HEATR9: variants seen among roughly 807,000 people sequenced by gnomAD.
The protein encoded by HEATR9 is HEAT repeat containing 9.
In HEATR9, 54 loss-of-function variants were observed where a neutral mutation model predicts 68.2. The observed-to-expected ratio is 0.79, with a 90% confidence interval of 0.64 to 0.99. HEATR9 has a LOEUF of 0.99. HEATR9 is among the 50% of genes least tolerant of loss of function. The pLI is 0.00. For missense variants in HEATR9, 662 were observed against 679.7 expected (o/e 0.97, Z 0.29); for synonymous variants, 241 against 253.5 (o/e 0.95, Z 0.47).
At chr17:35,860,872 C>T (rs1266267655) in intron 8 of HEATR9, among the ~76,000 whole-genome samples, 2 of 151,988 alleles carry the variant, frequency 1.3e-5, no homozygotes, top group East Asian at 2.0e-4. Context: ...GGTGAAACCT[C>T]GTCTCTATTA....
intron 8 of HEATR9, chr17:35,861,479 T>C: frequency 2.1e-6 from 3 of 1,414,928 alleles, no homozygotes; most frequent in Non-Finnish European, 3.0e-6. Context: ...TTACAAAATC[T>C]GAACACCTTG....
In HEATR9 at chr17:35,858,887, C is replaced by T; in HGVS notation, c.939+1G>A. On this transcript the variant is annotated splice_donor_variant, in intron 9 of 14. Coordinates refer to ENST00000604834, the MANE Select transcript of HEATR9 (RefSeq NM_152781.4). LOFTEE classifies it high-confidence loss of function. ...GGATCCCAGCCTCCTGCCCCTCACACCTTCATCCGCTGGGTCTTGAGTCCT... is the reference window on the plus strand; with the variant it reads ...GGATCCCAGCCTCCTGCCCCTCACATCTTCATCCGCTGGGTCTTGAGTCCT... The T allele has an allele frequency of 1.9e-6, 3 of 1,613,162 alleles. No homozygotes were observed. The highest frequency in any genetic ancestry group is 2.2e-5 in the East Asian group (1 of 44,878).
chr17:35,860,450 TTTTA>T lies in HEATR9; in HGVS notation c.757-1384_757-1381del, dbSNP rs201786560. Among the ~76,000 whole-genome samples the T allele has an allele frequency of 3.2e-3, 429 of 134,958 alleles. 2 individuals are homozygous for T. The highest frequency in any genetic ancestry group is 7.4e-3 in the South Asian group (31 of 4,188). 88.5% of individuals were successfully genotyped at this position (134,958 alleles called of 152,430 possible). On this transcript the variant is annotated intron_variant, in intron 8 of 14. Coordinates refer to ENST00000604834, the MANE Select transcript of HEATR9 (RefSeq NM_152781.4). ...TTCACACTCTCTTCAAAGTCCTTATTTTTATTTATTTATTTATTTATTTATTTAT... is the reference window on the plus strand; with the variant it reads ...TTCACACTCTCTTCAAAGTCCTTATTTTTATTTATTTATTTATTTATTTAT...
chr17:35,862,850 C>G, intron 8 of HEATR9, 145 bp downstream of exon 8: 3 of 1,178,412 alleles, frequency 2.5e-6, no homozygotes, highest in Non-Finnish European at 3.6e-6. Flanking sequence ...TGCTTCTATT[C>G]AACTCCCGAG....
intron 13 of HEATR9, 59 bp from the exon 14 acceptor site, chr17:35,855,809 C>T: frequency 1.5e-6 from 2 of 1,373,614 alleles, no homozygotes; most frequent in South Asian, 2.3e-5. Context: ...ACCTTATACT[C>T]TTTCCCATTC....
At chr17:35,856,267 T>C in intron 12 of HEATR9, 43 bp from the exon 13 acceptor site, 1 of 1,613,506 alleles carries the variant, frequency 6.2e-7, no homozygotes, top group Non-Finnish European at 8.5e-7. Flanking sequence ...AATTAAGGAG[T>C]AGGGGAAGTG....
In HEATR9 at chr17:35,864,831, A is replaced by G. The variant is rs1183459974; in HGVS notation, c.380T>C (p.Leu127Pro). 1 of 1,614,202 alleles carries G rather than the reference A, an allele frequency of 6.2e-7. No individual in the cohort carries two copies. Among genetic ancestry groups the G allele is most frequent in the Non-Finnish European group, 8.5e-7 (1 of 1,180,036 alleles). Residue 127 changes from leucine to proline, a missense_variant, in exon 4 of 15, where the codon CTG becomes CCG. Leu to Pro is a moderately conservative substitution (Grantham distance 98). Transcript: ENST00000604834. ...GGATCGCATCTCAGATTTTATAGTCAGCTTGCTCATTGGGAGATGGAACAT... is the reference window on the plus strand; with the variant it reads ...GGATCGCATCTCAGATTTTATAGTCGGCTTGCTCATTGGGAGATGGAACAT... ...IKMFHLPMSK[L>P]TIKSEMRSRP...
Position 35,855,343 on chromosome 17 carries a change from A to G in HEATR9, c.1433T>C (p.Val478Ala). Residue 478 changes from valine to alanine, a missense_variant, in exon 15 of 15, where the codon GTT becomes GCT. Val to Ala is a moderately conservative substitution (Grantham distance 64, BLOSUM62 0). Transcript: ENST00000604834. ...PWIQNKLKNK[V>A]LSVYEAPKTN... ...CTTAGGTGCCTCATATACAGAGAGA[A>G]CCTTGTTTTTCAGCTTGTTTTGGAT... 1 of 1,614,158 alleles carries G rather than the reference A, an allele frequency of 6.2e-7. No homozygotes were observed. Among genetic ancestry groups the G allele is most frequent in the Non-Finnish European group, 8.5e-7 (1 of 1,180,012 alleles).
chr17:35,855,369 C>G lies in HEATR9; in HGVS notation c.1407G>C (p.Trp469Cys). The part of the protein sequence containing the change: ...TLILCASIDP[W>C]IQNKLKNKVL... ...CCTTGTTTTTCAGCTTGTTTTGGAT[C>G]CAGGGATCAATTGAGGCACAAAGGA... Residue 469 changes from tryptophan (W) to cysteine (C), a missense_variant, in exon 15 of 15, where the codon TGG becomes TGC. Coordinates refer to ENST00000604834, the MANE Select transcript of HEATR9 (RefSeq NM_152781.4). 1 of 1,614,012 alleles carries G rather than the reference C, an allele frequency of 6.2e-7. No homozygotes were observed. Among genetic ancestry groups the G allele is most frequent in the South Asian group, 1.1e-5 (1 of 91,076 alleles).
chr17:35,868,510 G>A, intron 1 of HEATR9, 145 bp downstream of exon 1: 1 of 1,423,144 alleles, frequency 7.0e-7, no homozygotes, highest in Non-Finnish European at 9.3e-7. Context: ...ACTGTGCAGA[G>A]CCATCAAAGT....
At position 35,858,943 on chromosome 17, in the gene HEATR9, A is replaced by G. The variant is rs764186668; in HGVS notation, c.884T>C (p.Val295Ala). The change falls in exon 9 of 15, where the codon GTC (valine) becomes GCC (alanine). Residue 295 changes from valine to alanine, a missense_variant. By Grantham distance (64) the Val-to-Ala change is moderately conservative (BLOSUM62 0). Coordinates refer to ENST00000604834, the MANE Select transcript of HEATR9 (RefSeq NM_152781.4). ...LGFLRPCSNM[V>A]QEFLLQCLCQ... Reference sequence around the variant, plus strand: ...CAGGCACTGCAACAAGAACTCTTGGACCATGTTGCTGCAAGGCCTCAGGAA... The same window carrying G: ...CAGGCACTGCAACAAGAACTCTTGGGCCATGTTGCTGCAAGGCCTCAGGAA... 57 of 1,614,014 alleles carry G rather than the reference A, an allele frequency of 3.5e-5. No individual in the cohort carries two copies. The highest frequency in any genetic ancestry group is 3.1e-4 in the South Asian group (28 of 91,072).
At chr17:35,862,813 A>T in intron 8 of HEATR9, 182 bp downstream of exon 8, 1 of 772,838 alleles carries the variant, frequency 1.3e-6, no homozygotes, top group African/African-American at 1.7e-5. Context: ...GCTTTTCAGA[A>T]ATGGACTAGT....
chr17:35,857,609 A>G (rs537999696), intron 11 of HEATR9, among the ~76,000 whole-genome samples: 2 of 152,160 alleles, frequency 1.3e-5, no homozygotes, highest in South Asian at 4.2e-4. Context: ...AATGCAAAAA[A>G]TTAGCTAGGC....
chr17:35,859,061 C>T lies in HEATR9; in HGVS notation c.766G>A (p.Val256Ile). 1 of 1,614,096 alleles carries T rather than the reference C, an allele frequency of 6.2e-7. No individual in the cohort carries two copies. Among genetic ancestry groups the T allele is most frequent in the Non-Finnish European group, 8.5e-7 (1 of 1,179,950 alleles). The change falls in exon 9 of 15, where the codon GTC becomes ATC. Residue 256 changes from valine to isoleucine, a missense_variant. Physicochemically the swap from Val to Ile is conservative, Grantham distance 29. Coordinates refer to ENST00000604834, the MANE Select transcript of HEATR9 (RefSeq NM_152781.4). The stretch of plus-strand genomic sequence containing the variant: ...GGCACCAGCTTGCCCTCATCCCCGA[C>T]TTGAGTCCTCTGTGAGGGAGACAAA... Reference protein sequence around the residue: ...AAVSKDKRTQVGDEGKLVPVL... With the variant: ...AAVSKDKRTQIGDEGKLVPVL...
chr17:35,860,889 C>CA (rs1442308942), intron 8 of HEATR9, among the ~76,000 whole-genome samples: 2 of 151,622 alleles, frequency 1.3e-5, no homozygotes, highest in Middle Eastern at 3.4e-3. Flanking sequence ...ATTAAAAATA[C>CA]AAAAAAATTA....
chr17:35,868,784 A>T lies in HEATR9; in HGVS notation c.-42T>A, dbSNP rs769850656. The T allele has an allele frequency of 6.3e-7, 1 of 1,593,466 alleles. No individual in the cohort carries two copies. The highest frequency in any genetic ancestry group is 1.3e-5 in the African/African-American group (1 of 74,622). On this transcript the variant is annotated 5_prime_UTR_variant, in exon 1 of 15. Transcript: ENST00000604834. ...GGCCAGAGGGAACCTGCAGGGGGGAATACAAGGCTTTTAGGGGAGTGGGGG... is the reference window on the plus strand; with the variant it reads ...GGCCAGAGGGAACCTGCAGGGGGGATTACAAGGCTTTTAGGGGAGTGGGGG...
Position 35,861,218 on chromosome 17 carries a change from CTT to C in HEATR9, c.756+1775_756+1776del, listed in dbSNP as rs1009638171. ...TTGATATCCTGAACTTTCTGTAGCT[CTT>C]TATTTTTCTACAATCTGTTCGTTAT... On this transcript the variant is annotated intron_variant, in intron 8 of 14. Coordinates refer to ENST00000604834, the MANE Select transcript of HEATR9 (RefSeq NM_152781.4). 8.5e-5 allele frequency: 136 copies of C among 1,591,638 alleles called. No individual in the cohort carries two copies. In the African/African-American group the frequency reaches 1.6e-3, roughly 19 times the overall value.
chr17:35,861,118 A>G (rs2087975198), intron 8 of HEATR9: 1 of 1,161,858 alleles, frequency 8.6e-7, no homozygotes, highest in African/African-American at 1.5e-5. Context: ...TAACTGTTGT[A>G]CCATTTTCTC....
chr17:35,857,438 T>A (rs1156262179), intron 11 of HEATR9, among the ~76,000 whole-genome samples: 2 of 152,134 alleles, frequency 1.3e-5, no homozygotes, highest in East Asian at 3.8e-4. Context: ...ACAATCTGAT[T>A]TATATTTTTT....
Sources: allele counts gnomAD v4.1 joint callset (sites outside exome capture counted in the v4.1 genomes callset), GRCh38; gene constraint gnomAD v4.1.1; transcripts MANE v1.5; gene names NCBI Gene and HGNC (gene_info 2026-07-23, HGNC 2026-07-21).